Variants in DMD observed in about 807,000 individuals in gnomAD.
DMD encodes the protein mutant dystrophin.
In DMD, 63 loss-of-function variants were observed where a neutral mutation model predicts 330.1. The observed-to-expected ratio is 0.19, with a 90% confidence interval of 0.16 to 0.24. DMD has a LOEUF of 0.24. Ranked by LOEUF, DMD falls within the 10% of genes least tolerant of loss-of-function variation. The probability of loss-of-function intolerance (pLI) is 1.00; values close to 1 mark genes in which losing one functional copy is unlikely to be tolerated. For synonymous variants in DMD, 1,223 were observed against 959.8 expected, an observed-to-expected ratio of 1.27 and a Z score of -5.07; for missense variants, 3,344 against 2,684.1, an observed-to-expected ratio of 1.25 and a Z score of -5.43.
At chrX:32,552,453 C>T (rs1007049702) in intron 16 of DMD, among the ~76,000 whole-genome samples, 2 of 111,480 alleles carry the variant, frequency 1.8e-5, no homozygotes, top group Non-Finnish European at 3.8e-5. Context: ...AATCTAAAAC[C>T]AACAACTATA....
chrX:33,282,058 A>T (rs970497422), intron 1 of DMD, among the ~76,000 whole-genome samples: 1 of 110,548 alleles, frequency 9.0e-6, no homozygotes, highest in Non-Finnish European at 1.9e-5. Context: ...CATAGCGTCC[A>T]ACGGGCTTCC....
At chrX:32,283,243 A>G (rs1008138264) in intron 43 of DMD, among the ~76,000 whole-genome samples, 12 of 111,973 alleles carry the variant, frequency 1.1e-4, no homozygotes, top group Non-Finnish European at 1.7e-4. Flanking sequence ...CAGTCAAGGT[A>G]CAAGTAACCT....
At chrX:31,476,661 T>C (rs1402472967) in intron 59 of DMD, among the ~76,000 whole-genome samples, 1 of 110,274 alleles carries the variant, frequency 9.1e-6, no homozygotes, top group Non-Finnish European at 1.9e-5. Context: ...CGCAAGGAGT[T>C]TGGATTGGAA....
Position 32,626,366 on chromosome X carries a change from G to A in DMD, c.1332-11913C>T, listed in dbSNP as rs2058346650. Among the ~76,000 whole-genome samples, 2 of 96,030 alleles carry A rather than the reference G, an allele frequency of 2.1e-5. 1 individual carries two copies. Among genetic ancestry groups the A allele is most frequent in the African/African-American group, 1.2e-4 (2 of 16,526 alleles). The allele number at this position is 96,030 out of a possible 115,157, so 83.4% of individuals were successfully genotyped here. On this transcript the variant is annotated intron_variant, in intron 11 of 78. Coordinates refer to ENST00000357033, the MANE Select transcript of DMD (RefSeq NM_004006.3). ...CTTTTTAATCCCGGCTACTCAGGAG[G>A]CTGAGGCAGGAGAATCACTTGAACC...
chrX:32,097,166 G>A (rs1241270126), intron 44 of DMD, among the ~76,000 whole-genome samples: 1 of 110,924 alleles, frequency 9.0e-6, no homozygotes, highest in African/African-American at 3.3e-5. Context: ...ATGTGCCATA[G>A]TGGTTTGCTG....
chrX:31,348,794 G>C (rs1387051375), intron 60 of DMD, among the ~76,000 whole-genome samples, 160 bp from the exon 61 acceptor site: 1 of 111,950 alleles, frequency 8.9e-6, no homozygotes, highest in Non-Finnish European at 1.9e-5. Context: ...ACCGTATATA[G>C]TATTCCAGAC....
In DMD at chrX:32,164,204, TAAAG is replaced by T. The variant is rs781385574; in HGVS notation, c.6438+52708_6438+52711del. On this transcript the variant is annotated intron_variant, in intron 44 of 78. Coordinates refer to ENST00000357033, the MANE Select transcript of DMD (RefSeq NM_004006.3). The stretch of plus-strand genomic sequence containing the variant: ...GTACTGAGGTAGTGAGGTACTGCTA[TAAAG>T]ATACTTGAAAATGTGGAAGCAACTT... Among the ~76,000 whole-genome samples the T allele has an allele frequency of 6.9e-4, 77 of 111,724 alleles. 1 individual carries two copies. The East Asian group carries it at 0.015, about 22-fold the overall frequency.
intron 23 of DMD, among the ~76,000 whole-genome samples, chrX:32,466,368 C>T (rs1398810047): frequency 9.0e-6 from 1 of 111,335 alleles, no homozygotes; most frequent in South Asian, 3.8e-4. Flanking sequence ...TTTCATAATC[C>T]TTTTTCCTAG....
intron 26 of DMD, among the ~76,000 whole-genome samples, chrX:32,449,995 G>A (rs938018534): frequency 1.8e-5 from 2 of 110,703 alleles, no homozygotes; most frequent in African/African-American, 3.3e-5. Flanking sequence ...ATATGCCTGC[G>A]GGTTATCCCA....
At chrX:31,201,611 G>C (rs1485923305) in intron 67 of DMD, among the ~76,000 whole-genome samples, 1 of 112,056 alleles carries the variant, frequency 8.9e-6, no homozygotes, top group Admixed American at 9.5e-5. Context: ...CTCCTGATAA[G>C]GGGGGCAGCC....
At chrX:32,899,919 C>G (rs1349316565) in intron 2 of DMD, among the ~76,000 whole-genome samples, 1 of 110,986 alleles carries the variant, frequency 9.0e-6, no homozygotes, top group African/African-American at 3.3e-5. Flanking sequence ...GCTGTAATTT[C>G]AGTTTTATGG....
At chrX:32,636,289 A>G (rs1202527162) in intron 11 of DMD, among the ~76,000 whole-genome samples, 1 of 111,988 alleles carries the variant, frequency 8.9e-6, no homozygotes, top group Middle Eastern at 4.2e-3. Flanking sequence ...TAGTTATTAT[A>G]CTGCACCCTG....
chrX:32,266,042 T>C (rs2148316014), intron 43 of DMD, among the ~76,000 whole-genome samples: 2 of 111,524 alleles, frequency 1.8e-5, no homozygotes, highest in South Asian at 7.6e-4. Context: ...AATGATATGG[T>C]TTGGCTATGT....
At chrX:31,766,116 A>G (rs1044593118) in intron 51 of DMD, among the ~76,000 whole-genome samples, 1 of 111,621 alleles carries the variant, frequency 9.0e-6, no homozygotes, top group Admixed American at 9.5e-5. Flanking sequence ...AGAAAATTAA[A>G]AAAAAACCTT....
At chrX:32,974,166 T>C (rs757266789) in intron 2 of DMD, among the ~76,000 whole-genome samples, 59 of 111,796 alleles carry the variant, frequency 5.3e-4, no homozygotes, top group Middle Eastern at 9.2e-3. Context: ...AAAAACATTA[T>C]GCAAAATGAA....
intron 76 of DMD, among the ~76,000 whole-genome samples, chrX:31,138,667 GAGAGAGAGAGAGAGAGA>G (rs2035609795): frequency 2.2e-5 from 2 of 91,579 alleles, no homozygotes; most frequent in Admixed American, 1.2e-4. Context: ...GAGAGAGAGA[GAGAGAGAGAGAGAGAGA>G]GAGAAGGGGG....
At chrX:32,376,097 T>C (rs906791200) in intron 34 of DMD, among the ~76,000 whole-genome samples, 4 of 110,630 alleles carry the variant, frequency 3.6e-5, no homozygotes, top group African/African-American at 1.3e-4. Context: ...CTGACCATCA[T>C]GGTGAAACTC....
chrX:32,697,919 G>A lies in DMD; in HGVS notation c.911C>T (p.Ala304Val). 8.3e-7 allele frequency: 1 copy of A among 1,209,509 alleles called. No homozygotes were observed. The highest frequency in any genetic ancestry group is 3.0e-5 in the East Asian group (1 of 33,722). ...PRFKSYAYTQ[A>V]AYVTTSDPTR... is the part of the protein sequence containing the mutation. Reference sequence around the variant, plus strand: ...AGGGTCAGAGGTGGTGACATAAGCAGCCTGTGTGTAGGCATAGCTCTTGAA... The same window carrying A: ...AGGGTCAGAGGTGGTGACATAAGCAACCTGTGTGTAGGCATAGCTCTTGAA... Residue 304 changes from alanine (A) to valine (V), a missense_variant, in exon 9 of 79, where the codon GCT (alanine) becomes GTT (valine). Ala to Val is a moderately conservative substitution (Grantham distance 64). Coordinates refer to ENST00000357033, the MANE Select transcript of DMD (RefSeq NM_004006.3).
chrX:33,175,715 G>A (rs903232401), intron 1 of DMD, among the ~76,000 whole-genome samples: 3 of 111,686 alleles, frequency 2.7e-5, no homozygotes, highest in Non-Finnish European at 3.8e-5. Context: ...TAACCTCTTC[G>A]AGGCCAGTTT....
Sources: allele counts gnomAD v4.1 joint callset (sites outside exome capture counted in the v4.1 genomes callset), GRCh38; gene constraint gnomAD v4.1.1; transcripts MANE v1.5; gene names NCBI Gene and HGNC (gene_info 2026-07-23, HGNC 2026-07-21).